Variants in GPC5 observed in about 807,000 individuals in gnomAD.
The protein encoded by GPC5 is glypican 5.
GPC5 carries 47 observed loss-of-function variants against 53.9 expected under a neutral mutation model. The observed-to-expected ratio is 0.87, with a 90% confidence interval of 0.69 to 1.11. The LOEUF is 1.11. Ranked by LOEUF, GPC5 falls within the 50% of genes most tolerant of loss-of-function variation. The probability of loss-of-function intolerance (pLI) is 0.00; values close to 1 mark genes in which losing one functional copy is unlikely to be tolerated. For synonymous variants in GPC5, 286 were observed against 263.3 expected (o/e 1.09, Z -0.84); for missense variants, 748 against 713.1 (o/e 1.05, Z -0.56).
chr13:92,575,677 C>T (rs1436983895), intron 7 of GPC5, among the ~76,000 whole-genome samples: 2 of 152,158 alleles, frequency 1.3e-5, no homozygotes, highest in African/African-American at 4.8e-5. Context: ...CTCATGTAAA[C>T]CCTGGGCCCA....
chr13:91,513,214 T>C (rs974548600), intron 2 of GPC5, among the ~76,000 whole-genome samples: 36 of 152,236 alleles, frequency 2.4e-4, no homozygotes, highest in African/African-American at 7.5e-4. Flanking sequence ...AGTAGTAATA[T>C]GGAGATTCCA....
intron 6 of GPC5, among the ~76,000 whole-genome samples, chr13:92,105,883 G>C (rs1050661346): frequency 6.6e-6 from 1 of 151,936 alleles, no homozygotes; most frequent in Non-Finnish European, 1.5e-5. Context: ...GGCTCTCAAT[G>C]CTGAGAAAAA....
chr13:92,707,790 G>C (rs1049151983), intron 7 of GPC5, among the ~76,000 whole-genome samples: 3 of 152,044 alleles, frequency 2.0e-5, no homozygotes, highest in Non-Finnish European at 4.4e-5. Flanking sequence ...TTTGTAGCCA[G>C]AGGCAAGATC....
At chr13:91,928,737 T>C (rs768334682) in intron 6 of GPC5, among the ~76,000 whole-genome samples, 12 of 152,044 alleles carry the variant, frequency 7.9e-5, no homozygotes, top group Non-Finnish European at 1.3e-4. Context: ...ACACACCCCA[T>C]TCTCCTGTAT....
rs561427809 is a variant in GPC5, at chr13:91,675,767, C to T, written c.326-17420C>T. Among the ~76,000 whole-genome samples the T allele has an allele frequency of 9.9e-5, 15 of 152,132 alleles. No homozygotes were observed. In the East Asian group the frequency reaches 2.7e-3, roughly 27 times the overall value. On this transcript the variant is annotated intron_variant, in intron 2 of 7. Coordinates refer to ENST00000377067, the MANE Select transcript of GPC5 (RefSeq NM_004466.6). ...AAGGGTTCAGAGGGTCCAACAGTAT[C>T]GTGTTTCTGGGTTTGGAGCATCAGC... is the stretch of plus-strand genomic sequence containing the variant.
At chr13:91,961,972 A>G (rs1386340300) in intron 6 of GPC5, among the ~76,000 whole-genome samples, 1 of 152,156 alleles carries the variant, frequency 6.6e-6, no homozygotes, top group Non-Finnish European at 1.5e-5. Context: ...CTATATCTAC[A>G]TGTCAGAAAC....
At chr13:92,059,973 A>G (rs9560910) in intron 6 of GPC5, 2 of 137,966 alleles carry the variant, frequency 1.4e-5, no homozygotes, top group East Asian at 3.9e-4. Context: ...TTTAAAAAAT[A>G]AAAAAAAAAC....
intron 7 of GPC5, among the ~76,000 whole-genome samples, chr13:92,854,427 A>C (rs1165328786): frequency 2.0e-5 from 3 of 150,906 alleles, no homozygotes; most frequent in African/African-American, 7.3e-5. Context: ...TTTCAAGCCA[A>C]TGCAATAAGA....
At chr13:91,674,521 A>ATG (rs1267345381) in intron 2 of GPC5, among the ~76,000 whole-genome samples, 2 of 143,080 alleles carry the variant, frequency 1.4e-5, no homozygotes, top group African/African-American at 2.7e-5. Flanking sequence ...ATACACATAT[A>ATG]TGCGTATGTG....
At chr13:92,699,069 G>T (rs749635182) in intron 7 of GPC5, among the ~76,000 whole-genome samples, 82 of 151,470 alleles carry the variant, frequency 5.4e-4, no homozygotes, top group Non-Finnish European at 9.0e-4. Flanking sequence ...CTTTTTTTTT[G>T]GTTGGTAGGC....
intron 5 of GPC5, among the ~76,000 whole-genome samples, chr13:91,792,469 C>T (rs556101495): frequency 6.6e-6 from 1 of 152,196 alleles, no homozygotes; most frequent in Non-Finnish European, 1.5e-5. Context: ...ACAAATTCTA[C>T]TGATAGGGCA....
intron 7 of GPC5, among the ~76,000 whole-genome samples, chr13:92,791,424 T>TGGGGGGGGG (rs60469699): frequency 1.5e-5 from 1 of 66,406 alleles, no homozygotes; most frequent in East Asian, 3.3e-4. Context: ...TGTGAGTGTG[T>TGGGGGGGGG]GGGGGGGGGC....
chr13:91,654,109 A>G (rs2034788414), intron 2 of GPC5, among the ~76,000 whole-genome samples: 1 of 152,116 alleles, frequency 6.6e-6, no homozygotes, highest in African/African-American at 2.4e-5. Flanking sequence ...TTTCAGTTGG[A>G]TATTTACCAG....
intron 5 of GPC5, among the ~76,000 whole-genome samples, chr13:91,876,910 A>G (rs1357491299): frequency 1.3e-5 from 2 of 152,172 alleles, no homozygotes; most frequent in African/African-American, 2.4e-5. Context: ...TGCCTGTGCT[A>G]TATGCAGCCT....
intron 6 of GPC5, among the ~76,000 whole-genome samples, chr13:92,129,768 T>C (rs2041728441): frequency 6.6e-6 from 1 of 152,140 alleles, no homozygotes; most frequent in Non-Finnish European, 1.5e-5. Context: ...TAATGTAAAT[T>C]GATCTGTAGA....
intron 5 of GPC5, among the ~76,000 whole-genome samples, chr13:91,864,046 T>G (rs1028178411): frequency 6.6e-6 from 1 of 152,182 alleles, no homozygotes; most frequent in Non-Finnish European, 1.5e-5. Context: ...ATATCAATGA[T>G]TATATTTGGT....
chr13:92,166,952 TCTCTCACACACACACACACA>T (rs1461805155), intron 7 of GPC5, among the ~76,000 whole-genome samples: 3 of 63,260 alleles, frequency 4.7e-5, no homozygotes, highest in South Asian at 2.2e-3. Context: ...TCTCTCTCTC[TCTCTCACACACACACACACA>T]CACACACACA....
chr13:92,307,709 CTGAAAAA>C, intron 7 of GPC5, among the ~76,000 whole-genome samples: 1 of 152,064 alleles, frequency 6.6e-6, no homozygotes, highest in Non-Finnish European at 1.5e-5. Context: ...CAAACCTCTC[CTGAAAAA>C]TGAATGAGGT....
chr13:91,903,145 A>G (rs2039516346), intron 5 of GPC5, among the ~76,000 whole-genome samples: 1 of 151,994 alleles, frequency 6.6e-6, no homozygotes, highest in South Asian at 2.1e-4. Flanking sequence ...GTGATTTGGA[A>G]CATAACTGAT....
Sources: gnomAD v4.1 joint callset for allele counts (sites outside exome capture counted in the v4.1 genomes callset) on GRCh38, gnomAD v4.1.1 for gene constraint, MANE v1.5 for transcripts, NCBI Gene and HGNC (gene_info 2026-07-23, HGNC 2026-07-21) for gene names.